Variants in SLAMF1 observed in about 807,000 individuals in gnomAD.
The protein encoded by SLAMF1 is signaling lymphocytic activation molecule family member 1, also known as signaling lymphocytic activation molecule.
In SLAMF1, 18 loss-of-function variants were observed where a neutral mutation model predicts 35.1. The ratio of observed to expected loss-of-function variants is 0.51; its 90% CI spans 0.35 to 0.76. The LOEUF (loss-of-function observed/expected upper bound fraction) is 0.76. SLAMF1 is among the 30% of genes least tolerant of loss of function. The pLI is 0.01. For synonymous variants in SLAMF1, 168 were observed against 157.2 expected (o/e 1.07, Z -0.51); for missense variants, 392 against 413.0 (o/e 0.95, Z 0.44).
chr1:160,622,273 G>A (rs1659656305), intron 4 of SLAMF1, among the ~76,000 whole-genome samples: 1 of 152,160 alleles, frequency 6.6e-6, no homozygotes, highest in South Asian at 2.1e-4. Context: ...AAAAGTCTTG[G>A]CCTTAAAATT....
In SLAMF1 at chr1:160,646,869, C is replaced by T. The variant is rs202140603; in HGVS notation, c.76+1G>A. The T allele has an allele frequency of 6.4e-7, 1 of 1,570,748 alleles. No homozygotes were observed. ...AAACCATCAGGCAGATGAACACTCA[C>T]CTGTTCCGTAGCTTGCCCCAAAAGC... On this transcript the variant is annotated splice_donor_variant, in intron 1 of 6. Transcript: ENST00000302035. LOFTEE classifies it high-confidence loss of function.
chr1:160,608,848 GC>G lies in SLAMF1; in HGVS notation c.*1899del, dbSNP rs1224031622. The G allele has an allele frequency of 3.9e-5, 6 of 152,144 alleles. No homozygotes were observed. Among genetic ancestry groups the G allele is most frequent in the Non-Finnish European group, 4.4e-5 (3 of 68,036 alleles). 9.4% of individuals were successfully genotyped at this position (152,144 alleles called of 1,614,324 possible). The stretch of plus-strand genomic sequence containing the variant: ...GGGTGGCGTAGTGGATAATTGTGAG[GC>G]TTTTTTGTCTGCCTACCACCTGAAT... On this transcript the variant is annotated 3_prime_UTR_variant, in exon 7 of 7. Coordinates refer to ENST00000302035, the MANE Select transcript of SLAMF1 (RefSeq NM_003037.5).
At chr1:160,644,001 TAAAC>T (rs949857288) in intron 1 of SLAMF1, among the ~76,000 whole-genome samples, 8 of 152,094 alleles carry the variant, frequency 5.3e-5, no homozygotes, top group Non-Finnish European at 2.9e-5. Context: ...TGATAATCAA[TAAAC>T]AAACTAGTTA....
chr1:160,643,490 T>C (rs1014901962), intron 1 of SLAMF1, among the ~76,000 whole-genome samples: 14 of 152,246 alleles, frequency 9.2e-5, no homozygotes, highest in African/African-American at 3.4e-4. Flanking sequence ...AGCAATTACC[T>C]ATGCAAATAA....
intron 3 of SLAMF1, among the ~76,000 whole-genome samples, chr1:160,630,144 G>C (rs1253230628): frequency 2.0e-5 from 3 of 152,168 alleles, no homozygotes; most frequent in Non-Finnish European, 4.4e-5. Context: ...ATCTATTTCA[G>C]AATACAGTCA....
In SLAMF1 at chr1:160,637,551, A is replaced by G. The variant is rs769909248; in HGVS notation, c.77-22T>C. ...CCACCTGTGGGAGGGAGGAGAAGAG[A>G]GTCCCTTATTATTAAGGCCTTTAGA... On this transcript the variant is annotated intron_variant, in intron 1 of 6. Coordinates refer to ENST00000302035, the MANE Select transcript of SLAMF1 (RefSeq NM_003037.5). 16 of 1,557,586 alleles carry G rather than the reference A, an allele frequency of 1.0e-5. No homozygotes were observed. In the Admixed American group the frequency reaches 2.7e-4, roughly 26 times the overall value.
At chr1:160,633,680 G>A (rs1660277329) in intron 3 of SLAMF1, among the ~76,000 whole-genome samples, 2 of 152,218 alleles carry the variant, frequency 1.3e-5, no homozygotes, top group Non-Finnish European at 2.9e-5. Flanking sequence ...CACAAGATCT[G>A]TTAGTGAAAA....
At chr1:160,623,442 T>A (rs1376451825) in intron 4 of SLAMF1, 1 of 398,058 alleles carries the variant, frequency 2.5e-6, no homozygotes, top group African/African-American at 2.1e-5. Flanking sequence ...ATGACACTGA[T>A]CTACTTGAGA....
intron 6 of SLAMF1, among the ~76,000 whole-genome samples, chr1:160,612,116 C>T (rs1282579905): frequency 6.6e-6 from 1 of 152,038 alleles, no homozygotes; most frequent in Non-Finnish European, 1.5e-5. Flanking sequence ...CCCGTGTGAG[C>T]AGGTATTGGG....
chr1:160,615,668 G>T (rs888538348), intron 5 of SLAMF1: 3 of 244,162 alleles, frequency 1.2e-5, no homozygotes, highest in Non-Finnish European at 2.5e-5. Context: ...ATGTCAAAAT[G>T]TGACTTTATT....
intron 2 of SLAMF1, among the ~76,000 whole-genome samples, chr1:160,635,770 G>A (rs1358473652): frequency 6.7e-6 from 1 of 149,432 alleles, no homozygotes; most frequent in Non-Finnish European, 1.5e-5. Context: ...TAGTAGAGAT[G>A]GGGTTTCACC....
At chr1:160,616,381 C>CT (rs1333415873) in intron 5 of SLAMF1, among the ~76,000 whole-genome samples, 2 of 19,698 alleles carry the variant, frequency 1.0e-4, no homozygotes, top group African/African-American at 2.1e-4. Context: ...GCAGTGCCTT[C>CT]TTAAAAAAAA....
At chr1:160,635,738 A>AT (rs33918009) in intron 2 of SLAMF1, among the ~76,000 whole-genome samples, 81,118 of 144,214 alleles carry the variant, frequency 0.56, 22,688 homozygotes, top group African/African-American at 0.59. Flanking sequence ...TGCTGAGCTA[A>AT]TTTTTTTTTT....
chr1:160,616,889 C>G (rs893712841), intron 5 of SLAMF1, among the ~76,000 whole-genome samples: 1 of 152,160 alleles, frequency 6.6e-6, no homozygotes, highest in African/African-American at 2.4e-5. Context: ...GGAGTGGTGG[C>G]TCATGCCTGT....
intron 5 of SLAMF1, chr1:160,615,887 A>T (rs1459100956): frequency 6.0e-6 from 1 of 167,030 alleles, no homozygotes; most frequent in African/African-American, 2.4e-5. Context: ...GAGCCACCAG[A>T]TGCTGGAAGA....
rs536812584 is a variant in SLAMF1 at position 160,644,105 on chromosome 1, G to A, written c.76+2765C>T. ...CAAATACTTCTTATATGCCCTCTAC[G>A]TTCTTCTGTGATTTTTATCAGTCTC... On this transcript the variant is annotated intron_variant, in intron 1 of 6. Coordinates refer to ENST00000302035, the MANE Select transcript of SLAMF1 (RefSeq NM_003037.5). Among the ~76,000 whole-genome samples, 11 of 152,188 alleles carry A rather than the reference G, an allele frequency of 7.2e-5. No homozygotes were observed. In the East Asian group the frequency reaches 7.7e-4, roughly 11 times the overall value.
intron 1 of SLAMF1, among the ~76,000 whole-genome samples, chr1:160,641,412 G>C (rs1286916686): frequency 6.6e-6 from 1 of 151,996 alleles, no homozygotes; most frequent in Non-Finnish European, 1.5e-5. Context: ...AGAACTTGGA[G>C]TTGATTGGGG....
chr1:160,634,590 C>T (rs373131920), intron 3 of SLAMF1, 23 bp downstream of exon 3: 11 of 1,569,084 alleles, frequency 7.0e-6, no homozygotes, highest in East Asian at 6.8e-5. Context: ...AGGTGGCACA[C>T]AGGCTGCCAC....
chr1:160,614,368 G>A (rs1210555461), intron 5 of SLAMF1, among the ~76,000 whole-genome samples: 8 of 150,490 alleles, frequency 5.3e-5, no homozygotes, highest in African/African-American at 1.5e-4. Context: ...GAGGTCAGGA[G>A]ATCGAGACCA....
Sources: allele counts gnomAD v4.1 joint callset (sites outside exome capture counted in the v4.1 genomes callset), GRCh38; gene constraint gnomAD v4.1.1; transcripts MANE v1.5; gene names NCBI Gene and HGNC (gene_info 2026-07-23, HGNC 2026-07-21).